Variants in PACS1 observed in about 807,000 individuals in gnomAD.
PACS1 encodes the protein phosphofurin acidic cluster sorting protein 1.
In PACS1, 24 loss-of-function variants were observed where a neutral mutation model predicts 115.0. That is an observed-to-expected ratio of 0.21 (90% CI 0.15 to 0.29). The LOEUF is 0.29. Among genes scored for constraint, PACS1 ranks in the 10% least tolerant of loss-of-function variants. The probability of loss-of-function intolerance (pLI) is 1.00; values close to 1 mark genes in which losing one functional copy is unlikely to be tolerated. For synonymous variants in PACS1, 453 were observed against 504.5 expected (o/e 0.90, Z 1.37); for missense variants, 838 against 1,251.2 (o/e 0.67, Z 4.98).
chr11:66,092,799 T>C (rs1013586539), intron 1 of PACS1, among the ~76,000 whole-genome samples: 1 of 151,836 alleles, frequency 6.6e-6, no homozygotes, highest in Non-Finnish European at 1.5e-5. Context: ...CCATTGCTTG[T>C]TTTTCTCAGG....
intron 17 of PACS1, 43 bp downstream of exon 17, chr11:66,234,285 C>T (rs762619006): frequency 2.2e-6 from 3 of 1,342,600 alleles, no homozygotes; most frequent in Non-Finnish European, 3.2e-6. Context: ...CCCCGGGGTC[C>T]ACAGGTGCCA....
chr11:66,127,139 C>T (rs373074981), intron 1 of PACS1, among the ~76,000 whole-genome samples: 21 of 152,178 alleles, frequency 1.4e-4, no homozygotes, highest in East Asian at 7.7e-4. Context: ...ACAAGGAGAA[C>T]GGGAAGGCCC....
chr11:66,193,623 A>G, intron 2 of PACS1, 50 bp downstream of exon 2: 1 of 1,325,536 alleles, frequency 7.5e-7, no homozygotes, highest in African/African-American at 1.4e-5. Flanking sequence ...CTGGATAACC[A>G]TTTGCCCACT....
At chr11:66,208,360 G>A (rs1266581676) in intron 2 of PACS1, among the ~76,000 whole-genome samples, 1 of 152,174 alleles carries the variant, frequency 6.6e-6, no homozygotes, top group African/African-American at 2.4e-5. Context: ...GCTCAAATCT[G>A]TAATCCCAGC....
At chr11:66,202,613 G>A (rs2134687243) in intron 2 of PACS1, among the ~76,000 whole-genome samples, 1 of 151,356 alleles carries the variant, frequency 6.6e-6, no homozygotes, top group South Asian at 2.1e-4. Flanking sequence ...AAATGGCTGG[G>A]TGTTGTGGCT....
rs187579854 is a variant in PACS1 at position 66,216,092 on chromosome 11, G to A, written c.661-27G>A. On this transcript the variant is annotated intron_variant, in intron 4 of 23. Coordinates refer to ENST00000320580, the MANE Select transcript of PACS1 (RefSeq NM_018026.4). The stretch of plus-strand genomic sequence containing the variant: ...TCTCCAGGTGCCTCTGTAGTAACAC[G>A]CCTCCACCACCTCCCCTGGCTCCTA... 2.4e-5 allele frequency: 39 copies of A among 1,612,562 alleles called. No homozygotes were observed. In the East Asian group the frequency reaches 4.2e-4, roughly 18 times the overall value.
At chr11:66,110,757 C>T (rs1408619841) in intron 1 of PACS1, among the ~76,000 whole-genome samples, 2 of 151,924 alleles carry the variant, frequency 1.3e-5, no homozygotes, top group Non-Finnish European at 2.9e-5. Flanking sequence ...TTAGTAGAGA[C>T]GGGGTTTTGC....
chr11:66,140,164 G>A (rs563735905), intron 1 of PACS1, among the ~76,000 whole-genome samples: 53 of 152,262 alleles, frequency 3.5e-4, no homozygotes, highest in African/African-American at 1.1e-3. Flanking sequence ...TGGGTGTCTC[G>A]TTAAAATGCA....
At chr11:66,077,425 G>A (rs1204517614) in intron 1 of PACS1, among the ~76,000 whole-genome samples, 1 of 152,176 alleles carries the variant, frequency 6.6e-6, no homozygotes, top group East Asian at 1.9e-4. Flanking sequence ...GCCAGGTGTG[G>A]TGGCGTGCGC....
In PACS1 at chr11:66,235,440, TG is replaced by T. The variant is rs1855687664; in HGVS notation, c.2207+40del. 7.0e-7 allele frequency: 1 copy of T among 1,438,810 alleles called. No individual in the cohort carries two copies. Among genetic ancestry groups the T allele is most frequent in the African/African-American group, 1.4e-5 (1 of 71,488 alleles). 89.1% of individuals were successfully genotyped at this position (1,438,810 alleles called of 1,614,324 possible). The stretch of plus-strand genomic sequence containing the variant: ...TTTGAGGGGTTTCTTAAAAATAGGT[TG>T]GGTGGGTTAGAGGAATCTTGAGTCT... On this transcript the variant is annotated intron_variant, in intron 18 of 23. Transcript: ENST00000320580. The surrounding 1 kb of genome is among the most constrained non-coding windows in gnomAD (Gnocchi z 5.6).
At position 66,233,749 on chromosome 11, in the gene PACS1, C is replaced by T. The variant is rs1016457604; in HGVS notation, c.1839-36C>T. On this transcript the variant is annotated intron_variant, in intron 15 of 23. Coordinates refer to ENST00000320580, the MANE Select transcript of PACS1 (RefSeq NM_018026.4). This position sits in a 1 kb window ranked among gnomAD's most constrained non-coding sequence, Gnocchi z 4.5. Reference sequence around the variant, plus strand: ...CTCCCCCGGGCAGGATCCTGGCACCCCTGAGCACTGCTATGACGCTCCCCT... The same window carrying T: ...CTCCCCCGGGCAGGATCCTGGCACCTCTGAGCACTGCTATGACGCTCCCCT... The T allele has an allele frequency of 6.3e-7, 1 of 1,595,656 alleles. No homozygotes were observed. Among genetic ancestry groups the T allele is most frequent in the Non-Finnish European group, 8.5e-7 (1 of 1,170,190 alleles).
rs77867801 is a variant in PACS1, at chr11:66,071,101, C to T, written c.356+259C>T. Among the ~76,000 whole-genome samples, 3,312 of 152,310 alleles carry T rather than the reference C, an allele frequency of 0.022. 145 individuals carry two copies. Among genetic ancestry groups the T allele is most frequent in the African/African-American group, 0.076 (3,168 of 41,574 alleles). ...TTCTGGCCTCGGCCCCGGGCTTTCT[C>T]CGATTGGGCTGACCGAATCCGGCCT... is the stretch of plus-strand genomic sequence containing the variant. On this transcript the variant is annotated intron_variant, in intron 1 of 23. Transcript: ENST00000320580.
intron 4 of PACS1, among the ~76,000 whole-genome samples, chr11:66,213,529 G>C (rs1855127077): frequency 6.6e-6 from 1 of 152,152 alleles, no homozygotes; most frequent in African/African-American, 2.4e-5. Context: ...TCCCCAACTG[G>C]GTGTCATGCA....
chr11:66,106,168 A>T (rs978119713), intron 1 of PACS1, among the ~76,000 whole-genome samples: 1 of 152,106 alleles, frequency 6.6e-6, no homozygotes, highest in African/African-American at 2.4e-5. Context: ...TGTGGCTCAC[A>T]CCTGTAATCC....
chr11:66,172,403 T>G (rs1859760749), intron 1 of PACS1, among the ~76,000 whole-genome samples: 1 of 152,220 alleles, frequency 6.6e-6, no homozygotes, highest in Non-Finnish European at 1.5e-5. Flanking sequence ...CCTTTTTGCC[T>G]TGCTCTTTCT....
At chr11:66,148,171 T>C (rs2134604197) in intron 1 of PACS1, among the ~76,000 whole-genome samples, 1 of 152,290 alleles carries the variant, frequency 6.6e-6, no homozygotes, top group South Asian at 2.1e-4. Context: ...TTATTATTTT[T>C]TGAGACAGAG....
chr11:66,207,619 G>A (rs931993430), intron 2 of PACS1, among the ~76,000 whole-genome samples: 11 of 152,272 alleles, frequency 7.2e-5, no homozygotes, highest in African/African-American at 2.6e-4. Context: ...TGCCACTATA[G>A]CACTCGAGCT....
At position 66,239,125 on chromosome 11, in the gene PACS1, C is replaced by T. The variant is rs765377090; in HGVS notation, c.2294-17C>T. On this transcript the variant is annotated splice_polypyrimidine_tract_variant and intron_variant, in intron 20 of 23. Coordinates refer to ENST00000320580, the MANE Select transcript of PACS1 (RefSeq NM_018026.4). ...GCTTCCTCTGGCCAACTGTGTTTGT[C>T]GTTTGTCCCCTGACAGGCGATGGGG... 6.2e-6 allele frequency: 10 copies of T among 1,613,990 alleles called. No individual in the cohort carries two copies. The highest frequency in any genetic ancestry group is 6.8e-6 in the Non-Finnish European group (8 of 1,180,010).
In PACS1 at chr11:66,221,302, A is replaced by G. The variant is rs573341926; in HGVS notation, c.1293+55A>G. The G allele has an allele frequency of 2.0e-5, 29 of 1,429,586 alleles. No homozygotes were observed. The African/African-American group carries it at 2.1e-4, about 10-fold the overall frequency. The allele number at this position is 1,429,586 out of a possible 1,614,324, so 88.6% of individuals were successfully genotyped here. On this transcript the variant is annotated intron_variant, in intron 10 of 23. Coordinates refer to ENST00000320580, the MANE Select transcript of PACS1 (RefSeq NM_018026.4). ...TGGGACCGTGGCATGTCAGGGCTCG[A>G]CGCTCTGGCCCTCTGCATCTCTGAT...
Sources: allele counts gnomAD v4.1 joint callset (sites outside exome capture counted in the v4.1 genomes callset), GRCh38; gene constraint gnomAD v4.1.1; non-coding constraint Gnocchi (gnomAD v3.1); transcripts MANE v1.5; gene names NCBI Gene and HGNC (gene_info 2026-07-23, HGNC 2026-07-21).